Variants in MEI4 observed in about 807,000 individuals in gnomAD.
MEI4 encodes the protein meiotic double-stranded break formation protein 4.
In MEI4, 27 loss-of-function variants were observed where a neutral mutation model predicts 31.4. The ratio of observed to expected loss-of-function variants is 0.86; its 90% CI spans 0.63 to 1.19. The LOEUF is 1.19. Among genes scored for constraint, MEI4 ranks in the 50% most tolerant of loss-of-function variants. The pLI is 0.00. For missense variants in MEI4, 329 were observed against 398.9 expected (o/e 0.82, Z 1.49); for synonymous variants, 122 against 145.4 (o/e 0.84, Z 1.16).
chr6:77,779,052 T>G (rs1768529080), intron 3 of MEI4, among the ~76,000 whole-genome samples: 1 of 152,150 alleles, frequency 6.6e-6, no homozygotes, highest in Non-Finnish European at 1.5e-5. Context: ...AAATTTAGTC[T>G]TTGTCAGAAT....
At chr6:77,652,250 A>G (rs557265999), upstream of MEI4, among the ~76,000 whole-genome samples, 10 of 152,330 alleles carry the variant, frequency 6.6e-5, no homozygotes, top group East Asian at 1.9e-3. Context: ...TTTGAGGAAA[A>G]TTAGACACAT....
chr6:77,828,853 G>A, intron 3 of MEI4, 78 bp from the exon 4 acceptor site: 1 of 1,067,108 alleles, frequency 9.4e-7, no homozygotes, highest in Non-Finnish European at 1.2e-6. Context: ...ACAGCATTTA[G>A]CTCAGTAGTA....
intron 2 of MEI4, among the ~76,000 whole-genome samples, chr6:77,734,170 T>A (rs1197625082): frequency 6.6e-6 from 1 of 151,990 alleles, no homozygotes; most frequent in Non-Finnish European, 1.5e-5. Flanking sequence ...TGAGTTCAAT[T>A]CCTGGGTATC....
intron 1 of MEI4, among the ~76,000 whole-genome samples, chr6:77,663,558 A>T (rs1768556121): frequency 6.6e-6 from 1 of 152,122 alleles, no homozygotes; most frequent in Non-Finnish European, 1.5e-5. Flanking sequence ...GGGGATAATT[A>T]AAAAGGAGTG....
At position 77,715,944 on chromosome 6, in the gene MEI4, T is replaced by A. The variant is rs181240766; in HGVS notation, c.232+25041T>A. Among the ~76,000 whole-genome samples the A allele has an allele frequency of 2.4e-3, 361 of 152,362 alleles. 2 individuals carry two copies. Among genetic ancestry groups the A allele is most frequent in the Non-Finnish European group, 2.9e-3 (200 of 68,036 alleles). On this transcript the variant is annotated intron_variant, in intron 2 of 4. Coordinates refer to ENST00000684080, the MANE Select transcript of MEI4 (RefSeq NM_001322247.2). ...TTTGATATATTTTTACACAGTTTTG[T>A]GAGCTTTTAAGAAAAGAGTAATTTA...
intron 2 of MEI4, 123 bp from the exon 3 acceptor site, chr6:77,761,004 CTTG>C (rs1279483985): frequency 1.6e-6 from 1 of 632,060 alleles, no homozygotes; most frequent in Non-Finnish European, 2.3e-6. Flanking sequence ...TACACTACTG[CTTG>C]TTAAATGCTT....
At chr6:77,775,756 C>T (rs1768422448) in intron 3 of MEI4, among the ~76,000 whole-genome samples, 1 of 152,056 alleles carries the variant, frequency 6.6e-6, no homozygotes, top group Non-Finnish European at 1.5e-5. Context: ...ACTTTTAGTT[C>T]TTTAAAGAAT....
At chr6:77,736,983 C>A (rs2127671154) in intron 2 of MEI4, among the ~76,000 whole-genome samples, 1 of 152,126 alleles carries the variant, frequency 6.6e-6, no homozygotes, top group East Asian at 1.9e-4. Flanking sequence ...AATATACTGG[C>A]AAATGATGTA....
intron 3 of MEI4, among the ~76,000 whole-genome samples, chr6:77,800,013 T>G (rs183584199): frequency 0.014 from 2,198 of 152,256 alleles, 56 homozygotes; most frequent in African/African-American, 0.05. Flanking sequence ...TTAAAGTAGT[T>G]TTTTCCAATT....
intron 2 of MEI4, among the ~76,000 whole-genome samples, chr6:77,740,538 T>C (rs1169861008): frequency 6.6e-6 from 1 of 152,174 alleles, no homozygotes; most frequent in East Asian, 1.9e-4. Context: ...GAAACACTCA[T>C]ATCACAATAT....
At chr6:77,767,067 T>C (rs2127684942) in intron 3 of MEI4, among the ~76,000 whole-genome samples, 1 of 152,262 alleles carries the variant, frequency 6.6e-6, no homozygotes, top group African/African-American at 2.4e-5. Flanking sequence ...CATTTCATCC[T>C]TGCTTATAGC....
intron 4 of MEI4, among the ~76,000 whole-genome samples, chr6:77,890,648 A>ATT (rs1197580750): frequency 1.3e-5 from 2 of 152,036 alleles, no homozygotes; most frequent in African/African-American, 4.8e-5. Flanking sequence ...AGGACATGAG[A>ATT]TTATGAGGGG....
chr6:77,803,859 A>G (rs930914539), intron 3 of MEI4, among the ~76,000 whole-genome samples: 1 of 152,108 alleles, frequency 6.6e-6, no homozygotes, highest in Non-Finnish European at 1.5e-5. Context: ...GTACCCAGCC[A>G]TGTGAGTTGT....
At chr6:77,812,471 G>A (rs1486514946) in intron 3 of MEI4, among the ~76,000 whole-genome samples, 1 of 152,088 alleles carries the variant, frequency 6.6e-6, no homozygotes, top group African/African-American at 2.4e-5. Flanking sequence ...AGAGAAACTA[G>A]AAAGATAGAC....
chr6:77,870,997 T>C (rs1444700070), intron 4 of MEI4, among the ~76,000 whole-genome samples: 1 of 152,160 alleles, frequency 6.6e-6, no homozygotes. Flanking sequence ...AAGAAGACTT[T>C]TATAGTAATA....
intron 4 of MEI4, among the ~76,000 whole-genome samples, chr6:77,865,163 T>C (rs561688667): frequency 6.6e-6 from 1 of 152,046 alleles, no homozygotes; most frequent in East Asian, 1.9e-4. Flanking sequence ...AACATCACAA[T>C]TAAAAGAACT....
chr6:77,747,700 C>A (rs919310867), intron 2 of MEI4, among the ~76,000 whole-genome samples: 4 of 152,190 alleles, frequency 2.6e-5, no homozygotes, highest in Non-Finnish European at 5.9e-5. Flanking sequence ...GTCTCATATT[C>A]TTCTCACATT....
At chr6:77,822,823 C>T (rs1352348494) in intron 3 of MEI4, among the ~76,000 whole-genome samples, 1 of 151,950 alleles carries the variant, frequency 6.6e-6, no homozygotes, top group Non-Finnish European at 1.5e-5. Context: ...GGGGTTTCGC[C>T]TTGTTAGCCA....
At position 77,688,964 on chromosome 6, in the gene MEI4, T is replaced by C. The variant is rs187055220; in HGVS notation, c.-14-1694T>C. 1.2e-4 allele frequency among the ~76,000 whole-genome samples: 18 copies of C among 152,152 alleles called. No homozygotes were observed. In the East Asian group the frequency reaches 3.5e-3, roughly 29 times the overall value. ...TAAGTGGAGCTATAATTCTAATTAG[T>C]TTGTTCATCTTGACAGTATCTAGTC... On this transcript the variant is annotated intron_variant, in intron 1 of 4. Coordinates refer to ENST00000684080, the MANE Select transcript of MEI4 (RefSeq NM_001322247.2).
Sources: allele counts gnomAD v4.1 joint callset (sites outside exome capture counted in the v4.1 genomes callset), GRCh38; gene constraint gnomAD v4.1.1; transcripts MANE v1.5; gene names NCBI Gene and HGNC (gene_info 2026-07-23, HGNC 2026-07-21).